Variants in SSU72 observed in about 807,000 individuals in gnomAD.
SSU72 encodes the protein RNA polymerase II subunit A C-terminal domain phosphatase SSU72.
SSU72 carries 12 observed loss-of-function variants against 22.7 expected under a neutral mutation model. The observed-to-expected ratio is 0.53, with a 90% CI of 0.34 to 0.86. The LOEUF is 0.86. Among genes scored for constraint, SSU72 ranks in the 40% least tolerant of loss-of-function variants. SSU72 has a pLI of 0.02. For missense variants in SSU72, 151 were observed against 249.8 expected, an observed-to-expected ratio of 0.60 and a Z score of 2.67; for synonymous variants, 116 against 98.3, an observed-to-expected ratio of 1.18 and a Z score of -1.06.
chr1:1,564,253 C>T, intron 2 of SSU72: 1 of 436,342 alleles, frequency 2.3e-6, no homozygotes, highest in South Asian at 3.4e-5. Context: ...GCTCTGTGTC[C>T]TCCTGAAATG....
At chr1:1,562,894 T>C (rs1227131578) in intron 2 of SSU72, 2 of 152,318 alleles carry the variant, frequency 1.3e-5, no homozygotes, top group Non-Finnish European at 2.9e-5. Flanking sequence ...CAGGACGTGC[T>C]GCTGACAGTC....
rs767086433 is a variant in SSU72, at chr1:1,544,972, C to T, written c.255G>A (p.Leu85=). 8 of 1,614,058 alleles carry T rather than the reference C, an allele frequency of 5.0e-6. No individual in the cohort carries two copies. The highest frequency in any genetic ancestry group is 1.7e-6 in the Non-Finnish European group (2 of 1,180,042). The change falls in exon 3 of 5, where the codon CTG becomes CTA. Residue 85 remains leucine (L), a synonymous_variant. Transcript: ENST00000291386. ...LYTQNGILHM[L]DRNKRIKPRP... ...GGGGCTTGATTCTCTTATTTCTGTC[C>T]AGCATATGTAAAATCCCATTCTGTG...
chr1:1,544,652 G>A, intron 3 of SSU72: 2 of 622,130 alleles, frequency 3.2e-6, no homozygotes, highest in Non-Finnish European at 5.7e-6. Flanking sequence ...GGAGAAAAGA[G>A]GCCCCTTGAA....
chr1:1,547,991 C>T (rs1016645189), intron 2 of SSU72, among the ~76,000 whole-genome samples: 2 of 152,228 alleles, frequency 1.3e-5, no homozygotes, highest in African/African-American at 2.4e-5. Flanking sequence ...CGACACCAGG[C>T]GGAGGGCCTG....
chr1:1,560,511 G>C (rs548895729), intron 2 of SSU72, among the ~76,000 whole-genome samples: 7 of 152,314 alleles, frequency 4.6e-5, no homozygotes, highest in African/African-American at 1.4e-4. Flanking sequence ...AGGTTTCAGA[G>C]GCACAGGCAG....
chr1:1,560,367 G>A (rs978154555), intron 2 of SSU72, among the ~76,000 whole-genome samples: 2 of 151,494 alleles, frequency 1.3e-5, no homozygotes, highest in South Asian at 2.1e-4. Flanking sequence ...GCTGGCCTCC[G>A]GCTCCTGGGC....
intron 1 of SSU72, among the ~76,000 whole-genome samples, chr1:1,573,893 T>A (rs995479786): frequency 7.2e-5 from 11 of 151,936 alleles, no homozygotes; most frequent in African/African-American, 2.7e-4. Context: ...TCATTAGACA[T>A]ACGCTACGCA....
At chr1:1,571,700 T>G (rs1438775133) in intron 1 of SSU72, among the ~76,000 whole-genome samples, 1 of 152,184 alleles carries the variant, frequency 6.6e-6, no homozygotes, top group Non-Finnish European at 1.5e-5. Context: ...TAAAAAGGAC[T>G]TGGTCATCTT....
intron 2 of SSU72, among the ~76,000 whole-genome samples, chr1:1,557,992 A>G (rs767716847): frequency 3.3e-5 from 5 of 151,044 alleles, no homozygotes; most frequent in Non-Finnish European, 7.4e-5. Context: ...GGCTCATCAC[A>G]TGAGGTCAGG....
At chr1:1,556,334 G>A (rs570795195) in intron 2 of SSU72, among the ~76,000 whole-genome samples, 1 of 152,288 alleles carries the variant, frequency 6.6e-6, no homozygotes, top group Admixed American at 6.5e-5. Context: ...TTGGGAAGCT[G>A]AGGCAGGAGA....
intron 2 of SSU72, chr1:1,545,387 T>A (rs1023870830): frequency 4.3e-6 from 1 of 235,132 alleles, no homozygotes; most frequent in Admixed American, 5.2e-5. Context: ...TCTTCCTCCC[T>A]CTGCTCCCTG....
intron 2 of SSU72, chr1:1,545,564 C>CT (rs1642379781): frequency 1.3e-5 from 2 of 152,916 alleles, no homozygotes; most frequent in Non-Finnish European, 2.9e-5. Flanking sequence ...AATCCCAGCA[C>CT]TTTCGGAGGC....
At chr1:1,557,403 ACT>A (rs1196342857) in intron 2 of SSU72, among the ~76,000 whole-genome samples, 1 of 151,788 alleles carries the variant, frequency 6.6e-6, no homozygotes, top group African/African-American at 2.4e-5. Context: ...ACAGAACAAG[ACT>A]CTGTCTCAAA....
intron 2 of SSU72, chr1:1,545,466 C>T (rs1487667070): frequency 1.2e-5 from 2 of 162,310 alleles, no homozygotes; most frequent in Non-Finnish European, 2.7e-5. Flanking sequence ...AACCCAGTCC[C>T]CAGTCTAGCT....
At chr1:1,564,975 C>T in intron 1 of SSU72, 59 bp from the exon 2 acceptor site, 4 of 1,528,960 alleles carry the variant, frequency 2.6e-6, no homozygotes, top group Non-Finnish European at 3.5e-6. Flanking sequence ...ATTCCAAAAG[C>T]AAGGGACAGC....
chr1:1,558,509 G>C (rs1054371848), intron 2 of SSU72, among the ~76,000 whole-genome samples: 2 of 152,202 alleles, frequency 1.3e-5, no homozygotes, highest in Non-Finnish European at 2.9e-5. Flanking sequence ...ACGAGACCCA[G>C]GAAAGTGTCA....
rs1642488077 is a variant in SSU72 at position 1,554,112 on chromosome 1, CGGT to C, written c.225-9113_225-9111del. On this transcript the variant is annotated intron_variant, in intron 2 of 4. Transcript: ENST00000291386. The surrounding 1 kb of genome is among the most constrained non-coding windows in gnomAD (Gnocchi z 4.1). Reference sequence around the variant, plus strand: ...GGAAGTGCAGCTCCAGGGAGTGGAGCGGTTGTGAGATTCACCATCAGCAAAAAG... The same window carrying C: ...GGAAGTGCAGCTCCAGGGAGTGGAGCTGTGAGATTCACCATCAGCAAAAAG... Among the ~76,000 whole-genome samples, 1 of 152,212 alleles carries C rather than the reference CGGT, an allele frequency of 6.6e-6. No homozygotes were observed. Among genetic ancestry groups the C allele is most frequent in the Non-Finnish European group, 1.5e-5 (1 of 68,038 alleles).
chr1:1,550,915 T>C (rs767665476), intron 2 of SSU72, among the ~76,000 whole-genome samples: 3 of 152,050 alleles, frequency 2.0e-5, no homozygotes, highest in Non-Finnish European at 2.9e-5. Context: ...CATCTCGTGG[T>C]CTAGGACCTC....
At position 1,544,847 on chromosome 1, in the gene SSU72, G is replaced by A. The variant is rs780484769; in HGVS notation, c.364+16C>T. On this transcript the variant is annotated intron_variant, in intron 3 of 4. Transcript: ENST00000291386. ...GAGCTGCTGGAGCCCAGCCCAGCAC[G>A]CAGCCGCCTCCTCACCTTCCACCAC... 17 of 1,613,898 alleles carry A rather than the reference G, an allele frequency of 1.1e-5. No homozygotes were observed. Among genetic ancestry groups the A allele is most frequent in the East Asian group, 8.9e-5 (4 of 44,884 alleles).
Sources: allele counts gnomAD v4.1 joint callset (sites outside exome capture counted in the v4.1 genomes callset), GRCh38; gene constraint gnomAD v4.1.1; non-coding constraint Gnocchi (gnomAD v3.1); transcripts MANE v1.5; gene names NCBI Gene and HGNC (gene_info 2026-07-23, HGNC 2026-07-21).